Variants in SYNGR1 observed in about 807,000 individuals in gnomAD.
SYNGR1 encodes the protein synaptogyrin-1.
A neutral mutation model predicts 26.1 loss-of-function variants in SYNGR1; 14 were observed. The observed-to-expected ratio is 0.54, with a 90% CI of 0.35 to 0.84. SYNGR1 has a LOEUF of 0.84. Ranked by LOEUF, SYNGR1 falls within the 40% of genes least tolerant of loss-of-function variation. The pLI, the probability that SYNGR1 is intolerant of heterozygous loss-of-function variation, is 0.01. For synonymous variants in SYNGR1, 141 were observed against 150.1 expected, an observed-to-expected ratio of 0.94 and a Z score of 0.44; for missense variants, 319 against 332.9, an observed-to-expected ratio of 0.96 and a Z score of 0.33.
chr22:39,376,322 T>A lies in SYNGR1; in HGVS notation c.483+125T>A. On this transcript the variant is annotated intron_variant, in intron 3 of 3. Transcript: ENST00000328933. ...GGGAGCCCACACTACCCTCGCTCCC[T>A]CTTCTGCCTGCCTGTCTGCGGCGCT... 5 of 1,499,474 alleles carry A rather than the reference T, an allele frequency of 3.3e-6. No homozygotes were observed. In the South Asian group the frequency reaches 4.5e-5, roughly 14 times the overall value. The allele number at this position is 1,499,474 out of a possible 1,614,324, so 92.9% of individuals were successfully genotyped here. A position where few individuals can be genotyped will look rare whatever the true frequency, so the allele number is the denominator to read the frequency against.
intron 1 of SYNGR1, among the ~76,000 whole-genome samples, chr22:39,365,942 C>A (rs1258810706): frequency 6.7e-6 from 1 of 148,384 alleles, no homozygotes; most frequent in African/African-American, 2.4e-5. Context: ...CCTTAGCCTC[C>A]CAAAGTGTTG....
At position 39,384,976 on chromosome 22, in the gene SYNGR1, G is replaced by A. The variant is rs1044531899; in HGVS notation, c.*3062G>A. ...CGGCTCCTATCCACCTGGGGGTGTC[G>A]CAGTTGAGGGGCTAATTCCCAGGGG... is the stretch of plus-strand genomic sequence containing the variant. On this transcript the variant is annotated 3_prime_UTR_variant, in exon 4 of 4. Transcript: ENST00000328933. 18 of 398,704 alleles carry A rather than the reference G, an allele frequency of 4.5e-5. No homozygotes were observed. The highest frequency in any genetic ancestry group is 3.1e-4 in the Admixed American group (7 of 22,712). 24.7% of individuals were successfully genotyped at this position (398,704 alleles called of 1,614,324 possible).
intron 1 of SYNGR1, among the ~76,000 whole-genome samples, chr22:39,370,737 G>C (rs1311629787): frequency 6.6e-6 from 1 of 151,126 alleles, no homozygotes; most frequent in Non-Finnish European, 1.5e-5. Context: ...CCTGTCACAG[G>C]CTTCCGAGTA....
chr22:39,360,507 G>A (rs1924420434), intron 1 of SYNGR1, among the ~76,000 whole-genome samples: 2 of 152,116 alleles, frequency 1.3e-5, no homozygotes, highest in South Asian at 2.1e-4. Flanking sequence ...TCTCAGCAGC[G>A]TCTGGCAGCC....
chr22:39,377,520 G>A (rs938555165), intron 3 of SYNGR1: 30 of 1,571,354 alleles, frequency 1.9e-5, no homozygotes, highest in African/African-American at 6.7e-5. Flanking sequence ...GTGCCTGCCC[G>A]GCCCCCTGAA....
At position 39,381,816 on chromosome 22, in the gene SYNGR1, C is replaced by CT; in HGVS notation, c.604_605insT (p.Pro202LeufsTer73). On this transcript the variant is annotated frameshift_variant, in exon 4 of 4. Transcript: ENST00000328933. LOFTEE classifies it high-confidence loss of function. ...CATGCCTTACGCGCCCTACGTGGAGCCCACTGGGCCGGATCCCGCCGGTAT... is the reference window on the plus strand; with the variant it reads ...CATGCCTTACGCGCCCTACGTGGAGCTCCACTGGGCCGGATCCCGCCGGTAT... The CT allele has an allele frequency of 8.1e-7, 1 of 1,240,846 alleles. No individual in the cohort carries two copies. Among genetic ancestry groups the CT allele is most frequent in the Non-Finnish European group, 1.1e-6 (1 of 900,884 alleles). The allele number at this position is 1,240,846 out of a possible 1,614,324, so 76.9% of individuals were successfully genotyped here.
chr22:39,376,321 C>T lies in SYNGR1; in HGVS notation c.483+124C>T. ...TGGGAGCCCACACTACCCTCGCTCC[C>T]TCTTCTGCCTGCCTGTCTGCGGCGC... On this transcript the variant is annotated intron_variant, in intron 3 of 3. Coordinates refer to ENST00000328933, the MANE Select transcript of SYNGR1 (RefSeq NM_004711.5). The T allele has an allele frequency of 2.7e-6, 4 of 1,507,170 alleles. No homozygotes were observed. The East Asian group carries it at 9.1e-5, about 34-fold the overall frequency. The allele number at this position is 1,507,170 out of a possible 1,614,324, so 93.4% of individuals were successfully genotyped here. A position where few individuals can be genotyped will look rare whatever the true frequency, so the allele number is the denominator to read the frequency against.
chr22:39,357,862 C>T (rs1361964653), intron 1 of SYNGR1, among the ~76,000 whole-genome samples: 1 of 152,266 alleles, frequency 6.6e-6, no homozygotes, highest in African/African-American at 2.4e-5. Context: ...ACCTGCAGCC[C>T]GCCATGCCTA....
chr22:39,371,714 G>C (rs573694448), intron 1 of SYNGR1, among the ~76,000 whole-genome samples: 11 of 152,030 alleles, frequency 7.2e-5, no homozygotes, highest in African/African-American at 2.7e-4. Flanking sequence ...TGAACTCCTG[G>C]ACTCAAGTGA....
intron 1 of SYNGR1, among the ~76,000 whole-genome samples, chr22:39,367,195 C>T (rs1475721367): frequency 1.3e-5 from 2 of 152,250 alleles, no homozygotes; most frequent in Non-Finnish European, 2.9e-5. Context: ...CCAACTGTGT[C>T]CTCAGCCTCT....
chr22:39,365,829 CTTTTTCTTTTT>C (rs887461322), intron 1 of SYNGR1, among the ~76,000 whole-genome samples: 7 of 151,542 alleles, frequency 4.6e-5, no homozygotes, highest in Non-Finnish European at 7.4e-5. Context: ...CCCATCTGCT[CTTTTTCTTTTT>C]TTTTTCTTTT....
In SYNGR1 at chr22:39,350,490, G is replaced by A. The variant is rs1460353259; in HGVS notation, c.99+381G>A. Among the ~76,000 whole-genome samples, 6 of 152,304 alleles carry A rather than the reference G, an allele frequency of 3.9e-5. 1 individual carries two copies. The highest frequency in any genetic ancestry group is 3.9e-4 in the Admixed American group (6 of 15,308). ...CGTGGGGACGGAGCCAGGGTTTAAG[G>A]TGGCCTTTTTTGGGGGGTGGATCAG... On this transcript the variant is annotated intron_variant, in intron 1 of 3. Coordinates refer to ENST00000328933, the MANE Select transcript of SYNGR1 (RefSeq NM_004711.5). The surrounding 1 kb of genome is among the most constrained non-coding windows in gnomAD (Gnocchi z 4.3).
chr22:39,355,228 T>G (rs535534223), intron 1 of SYNGR1, among the ~76,000 whole-genome samples: 11 of 152,048 alleles, frequency 7.2e-5, no homozygotes, highest in African/African-American at 1.2e-4. Context: ...CTGAGGGCAG[T>G]GGGAAGCTGG....
In SYNGR1 at chr22:39,354,753, C is replaced by T. The variant is rs182560849; in HGVS notation, c.99+4644C>T. ...ACTCAGGAGGCTGAGGCAGGAGAAT[C>T]GCTTGAACCCGGGAGGCGGAGGTTG... On this transcript the variant is annotated intron_variant, in intron 1 of 3. Coordinates refer to ENST00000328933, the MANE Select transcript of SYNGR1 (RefSeq NM_004711.5). Among the ~76,000 whole-genome samples the T allele has an allele frequency of 5.3e-4, 80 of 151,998 alleles. 1 individual carries two copies. The East Asian group carries it at 9.5e-3, about 18-fold the overall frequency.
chr22:39,363,445 G>A (rs1924583080), intron 1 of SYNGR1, among the ~76,000 whole-genome samples: 1 of 151,994 alleles, frequency 6.6e-6, no homozygotes, highest in African/African-American at 2.4e-5. Flanking sequence ...GTTTTGGGAG[G>A]AGGTTGAAGC....
intron 1 of SYNGR1, chr22:39,364,088 G>T: frequency 1.9e-6 from 3 of 1,583,934 alleles, no homozygotes; most frequent in Non-Finnish European, 2.6e-6. Context: ...ACCCTGGGTG[G>T]TCTGTCTGCA....
At chr22:39,365,114 T>A (rs1453511963) in intron 1 of SYNGR1, among the ~76,000 whole-genome samples, 1 of 152,214 alleles carries the variant, frequency 6.6e-6, no homozygotes, top group Non-Finnish European at 1.5e-5. Context: ...GGCCTCTGGC[T>A]CTGCCTCTGA....
At chr22:39,360,449 C>T (rs1924418141) in intron 1 of SYNGR1, among the ~76,000 whole-genome samples, 1 of 152,186 alleles carries the variant, frequency 6.6e-6, no homozygotes, top group Non-Finnish European at 1.5e-5. Flanking sequence ...CAGGCTCATT[C>T]CTGACCTTCA....
chr22:39,355,624 C>T (rs550965699), intron 1 of SYNGR1, among the ~76,000 whole-genome samples: 279 of 152,350 alleles, frequency 1.8e-3, no homozygotes, highest in African/African-American at 6.4e-3. Context: ...GCCATCAGAG[C>T]GGGACCTTGG....
Sources: allele counts gnomAD v4.1 joint callset (sites outside exome capture counted in the v4.1 genomes callset), GRCh38; gene constraint gnomAD v4.1.1; non-coding constraint Gnocchi (gnomAD v3.1); transcripts MANE v1.5; gene names NCBI Gene and HGNC (gene_info 2026-07-23, HGNC 2026-07-21).